Variants in ZNF202 observed in about 807,000 individuals in gnomAD.
ZNF202 encodes the protein zinc finger protein with KRAB and SCAN domains 10.
ZNF202 carries 22 observed loss-of-function variants against 54.5 expected under a neutral mutation model. The ratio of observed to expected loss-of-function variants is 0.40; its 90% CI spans 0.29 to 0.58. The LOEUF (loss-of-function observed/expected upper bound fraction) is 0.58. Among genes scored for constraint, ZNF202 ranks in the 20% least tolerant of loss-of-function variants. The probability of loss-of-function intolerance (pLI) is 0.39; values close to 1 mark genes in which losing one functional copy is unlikely to be tolerated. For missense variants in ZNF202, 644 were observed against 805.5 expected (o/e 0.80, Z 2.43); for synonymous variants, 294 against 301.4 (o/e 0.98, Z 0.26).
At chr11:123,741,271 G>C (rs1168577597) in intron 1 of ZNF202, among the ~76,000 whole-genome samples, 2 of 152,238 alleles carry the variant, frequency 1.3e-5, no homozygotes, top group East Asian at 3.9e-4. Context: ...GCCCCAGGAG[G>C]GGGCGGAGGG....
chr11:123,727,274 T>C (rs1861193023), intron 8 of ZNF202, among the ~76,000 whole-genome samples: 1 of 152,190 alleles, frequency 6.6e-6, no homozygotes, highest in Non-Finnish European at 1.5e-5. Context: ...TTTCACCCTT[T>C]TGTATTACAT....
In ZNF202 at chr11:123,724,897, G is replaced by A. The variant is rs1208509877; in HGVS notation, c.*1100C>T. The A allele has an allele frequency of 6.6e-6, 1 of 152,230 alleles. No individual in the cohort carries two copies. Among genetic ancestry groups the A allele is most frequent in the Non-Finnish European group, 1.5e-5 (1 of 68,076 alleles). The allele number at this position is 152,230 out of a possible 1,614,324, so 9.4% of individuals were successfully genotyped here. Reference sequence around the variant, plus strand: ...ACAGGGTGTCAGAACAGTCTTGATGGTCTTGCCAGCAACAGCTTTTTCTTA... The same window carrying A: ...ACAGGGTGTCAGAACAGTCTTGATGATCTTGCCAGCAACAGCTTTTTCTTA... On this transcript the variant is annotated 3_prime_UTR_variant, in exon 9 of 9. Transcript: ENST00000530393.
chr11:123,739,973 T>C (rs982426373), intron 3 of ZNF202, 144 bp downstream of exon 3: 9 of 152,202 alleles, frequency 5.9e-5, no homozygotes, highest in Non-Finnish European at 1.3e-4. Context: ...GAAGTAAATC[T>C]GAAGTTCATG....
At chr11:123,727,435 G>A in intron 8 of ZNF202, 41 bp downstream of exon 8, 1 of 1,610,722 alleles carries the variant, frequency 6.2e-7, no homozygotes, top group South Asian at 1.1e-5. Flanking sequence ...TAGAGGAACT[G>A]CTGGCTCAGG....
Position 123,730,225 on chromosome 11 carries a change from C to T in ZNF202, c.402+262G>A, listed in dbSNP as rs1391749044. 2.0e-5 allele frequency among the ~76,000 whole-genome samples: 3 copies of T among 152,152 alleles called. No homozygotes were observed. The highest frequency in any genetic ancestry group is 4.1e-4 in the South Asian group (2 of 4,824). On this transcript the variant is annotated intron_variant, in intron 4 of 8. Coordinates refer to ENST00000530393, the MANE Select transcript of ZNF202 (RefSeq NM_003455.4). This position sits in a 1 kb window ranked among gnomAD's most constrained non-coding sequence, Gnocchi z 6.0. ...TCCTCTCCAGGAACCCACGGCTCAACATTCAAAGAAGGGAAAACCAAAGCC... is the reference window on the plus strand; with the variant it reads ...TCCTCTCCAGGAACCCACGGCTCAATATTCAAAGAAGGGAAAACCAAAGCC...
At chr11:123,736,043 G>A in intron 3 of ZNF202, among the ~76,000 whole-genome samples, 1 of 152,182 alleles carries the variant, frequency 6.6e-6, no homozygotes, top group East Asian at 1.9e-4. Context: ...CTAGTGTCTT[G>A]AGTGTTCCTA....
intron 3 of ZNF202, among the ~76,000 whole-genome samples, chr11:123,731,906 T>C (rs755522356): frequency 2.0e-5 from 3 of 152,220 alleles, no homozygotes; most frequent in Non-Finnish European, 4.4e-5. Context: ...CGAAGCTCTT[T>C]ACAATCAGCC....
chr11:123,725,856 G>T lies in ZNF202; in HGVS notation c.*141C>A. 1 of 985,922 alleles carries T rather than the reference G, an allele frequency of 1.0e-6. No individual in the cohort carries two copies. Among genetic ancestry groups the T allele is most frequent in the Non-Finnish European group, 1.4e-6 (1 of 690,624 alleles). 61.1% of individuals were successfully genotyped at this position (985,922 alleles called of 1,614,324 possible). A position where few individuals can be genotyped will look rare whatever the true frequency, so the allele number is the denominator to read the frequency against. On this transcript the variant is annotated 3_prime_UTR_variant, in exon 9 of 9. Transcript: ENST00000530393. Reference sequence around the variant, plus strand: ...GTTCTGCCCAGGCTCGTGTTTAGTTGCAGGAAGAGGTAATGTCAGATCTGA... The same window carrying T: ...GTTCTGCCCAGGCTCGTGTTTAGTTTCAGGAAGAGGTAATGTCAGATCTGA...
chr11:123,737,588 T>C (rs1055153487), intron 3 of ZNF202, among the ~76,000 whole-genome samples: 1 of 152,188 alleles, frequency 6.6e-6, no homozygotes, highest in African/African-American at 2.4e-5. Context: ...GCAGATTTTG[T>C]GGTTAGCCTC....
intron 3 of ZNF202, among the ~76,000 whole-genome samples, chr11:123,733,566 C>T (rs1352140710): frequency 6.6e-6 from 1 of 152,024 alleles, no homozygotes; most frequent in Non-Finnish European, 1.5e-5. Context: ...TGATCTTGGA[C>T]AGTTTGCTTT....
intron 8 of ZNF202, 66 bp downstream of exon 8, chr11:123,727,410 G>C: frequency 6.2e-7 from 1 of 1,602,688 alleles, no homozygotes; most frequent in Non-Finnish European, 8.5e-7. Flanking sequence ...CCTACAGAGA[G>C]AGAGAAGCAC....
rs73619563 is a variant in ZNF202, at chr11:123,741,299, A to G, written c.-294+250T>C. On this transcript the variant is annotated intron_variant, in intron 1 of 8. Coordinates refer to ENST00000530393, the MANE Select transcript of ZNF202 (RefSeq NM_003455.4). ...GCGGAGGGCGGTGGCTGGAAAGGAA[A>G]GGAAGCCGGGAGCGCCATCCGTGTC... 5.5e-3 allele frequency among the ~76,000 whole-genome samples: 837 copies of G among 152,148 alleles called. 7 individuals are homozygous for G. Among genetic ancestry groups the G allele is most frequent in the African/African-American group, 0.019 (807 of 41,516 alleles).
rs894723120 is a variant in ZNF202 at position 123,725,810 on chromosome 11, G to A, written c.*187C>T. Reference sequence around the variant, plus strand: ...TACTTTGGATGAAACATCCCCTCAAGGCGTAGAGGAAGGCTGAGAGGTTCT... The same window carrying A: ...TACTTTGGATGAAACATCCCCTCAAAGCGTAGAGGAAGGCTGAGAGGTTCT... On this transcript the variant is annotated 3_prime_UTR_variant, in exon 9 of 9. Coordinates refer to ENST00000530393, the MANE Select transcript of ZNF202 (RefSeq NM_003455.4). 25 of 653,710 alleles carry A rather than the reference G, an allele frequency of 3.8e-5. 1 individual carries two copies. The South Asian group carries it at 5.3e-4, about 14-fold the overall frequency. 40.5% of individuals were successfully genotyped at this position (653,710 alleles called of 1,614,324 possible). A position where few individuals can be genotyped will look rare whatever the true frequency, so the allele number is the denominator to read the frequency against.
Position 123,726,889 on chromosome 11 carries a change from G to A in ZNF202, c.1055C>T (p.Pro352Leu), listed in dbSNP as rs1159771687. The stretch of plus-strand genomic sequence containing the variant: ...GTCCTCAAAGACTATTTCCCAATCT[G>A]GAGTCTGGTGAATTTCTGGTTCTCC... ...VLGEPEIHQT[P>L]DWEIVFEDNP... The change falls in exon 9 of 9, where the codon CCA (proline) becomes CTA (leucine). Residue 352 changes from proline to leucine, a missense_variant. By Grantham distance (98) the Pro-to-Leu change is moderately conservative. This residue lies in a region of ZNF202 where 536 missense variants were observed against 635.3 expected (regional missense o/e 0.84). Coordinates refer to ENST00000530393, the MANE Select transcript of ZNF202 (RefSeq NM_003455.4). This position sits in a 1 kb window ranked among gnomAD's most constrained non-coding sequence, Gnocchi z 6.0. 6 of 1,613,990 alleles carry A rather than the reference G, an allele frequency of 3.7e-6. No homozygotes were observed. The highest frequency in any genetic ancestry group is 5.1e-6 in the Non-Finnish European group (6 of 1,180,030).
In ZNF202 at chr11:123,730,945, C is replaced by T. The variant is rs573840127; in HGVS notation, c.-57G>A. ...AGAGCTCACACTGTCATTAGCCCCC[C>T]GCCTCAGCCTGGACACAGCGAGGAT... On this transcript the variant is annotated 5_prime_UTR_variant, in exon 4 of 9. Transcript: ENST00000530393. The surrounding 1 kb of genome is among the most constrained non-coding windows in gnomAD (Gnocchi z 6.0). The T allele has an allele frequency of 5.0e-5, 78 of 1,553,030 alleles. No individual in the cohort carries two copies. The highest frequency in any genetic ancestry group is 4.7e-4 in the East Asian group (21 of 44,338).
intron 3 of ZNF202, among the ~76,000 whole-genome samples, chr11:123,738,300 T>C: frequency 6.6e-6 from 1 of 152,204 alleles, no homozygotes; most frequent in East Asian, 1.9e-4. Flanking sequence ...TGTGAGCCAC[T>C]GCACCCAGCC....
chr11:123,735,421 A>T (rs562810099), intron 3 of ZNF202, among the ~76,000 whole-genome samples: 1 of 152,350 alleles, frequency 6.6e-6, no homozygotes, highest in East Asian at 1.9e-4. Flanking sequence ...GCCCTTCAGA[A>T]ATCACAAGCT....
Position 123,725,818 on chromosome 11 carries a change from G to C in ZNF202, c.*179C>G. The stretch of plus-strand genomic sequence containing the variant: ...ATGAAACATCCCCTCAAGGCGTAGA[G>C]GAAGGCTGAGAGGTTCTGCCCAGGC... On this transcript the variant is annotated 3_prime_UTR_variant, in exon 9 of 9. Transcript: ENST00000530393. 1 of 698,140 alleles carries C rather than the reference G, an allele frequency of 1.4e-6. No homozygotes were observed. Among genetic ancestry groups the C allele is most frequent in the Non-Finnish European group, 2.3e-6 (1 of 435,016 alleles). The allele number at this position is 698,140 out of a possible 1,614,324, so 43.2% of individuals were successfully genotyped here.
Position 123,726,938 on chromosome 11 carries a change from C to T in ZNF202, c.1006G>A (p.Glu336Lys). 5.0e-6 allele frequency: 8 copies of T among 1,613,888 alleles called. No homozygotes were observed. The highest frequency in any genetic ancestry group is 6.8e-6 in the Non-Finnish European group (8 of 1,180,008). Reference sequence around the variant, plus strand: ...CCCAAAACAGGCCTGTGTATATCCTCCAAACTCAGATCTTCCTGCTCCAGA... The same window carrying T: ...CCCAAAACAGGCCTGTGTATATCCTTCAAACTCAGATCTTCCTGCTCCAGA... ...ECLEQEDLSL[E>K]DIHRPVLGEP... The change falls in exon 9 of 9, where the codon GAG becomes AAG. Residue 336 changes from glutamate to lysine, a missense_variant. By Grantham distance (56) the Glu-to-Lys change is moderately conservative. Around this residue, in one of 3 missense-constraint regions of ZNF202, gnomAD observed 536 missense variants for 635.3 expected, o/e 0.84. Coordinates refer to ENST00000530393, the MANE Select transcript of ZNF202 (RefSeq NM_003455.4). This position sits in a 1 kb window ranked among gnomAD's most constrained non-coding sequence, Gnocchi z 6.0.
Sources: gnomAD v4.1 joint callset for allele counts (sites outside exome capture counted in the v4.1 genomes callset) on GRCh38, gnomAD v4.1.1 for gene constraint, gnomAD v4.1.1 regional missense constraint, Gnocchi (gnomAD v3.1) non-coding constraint, MANE v1.5 for transcripts, NCBI Gene and HGNC (gene_info 2026-07-23, HGNC 2026-07-21) for gene names.